The following PDE4B variants were observed in gnomAD, a reference collection of about 807,000 sequenced individuals.
PDE4B encodes the protein phosphodiesterase 4B, also known as 3',5'-cyclic-AMP phosphodiesterase 4B.
Under a neutral mutation model 82.2 loss-of-function variants are expected in PDE4B, and 20 were observed. The ratio of observed to expected loss-of-function variants is 0.24; its 90% confidence interval spans 0.17 to 0.35. The LOEUF (loss-of-function observed/expected upper bound fraction) is 0.35. Among genes scored for constraint, PDE4B ranks in the 10% least tolerant of loss-of-function variants. The pLI is 1.00. For synonymous variants in PDE4B, 320 were observed against 318.9 expected (o/e 1.00, Z -0.04); for missense variants, 655 against 907.2 (o/e 0.72, Z 3.57).
intron 3 of PDE4B, among the ~76,000 whole-genome samples, chr1:65,976,355 C>G (rs1280291097): frequency 6.6e-6 from 1 of 152,178 alleles, no homozygotes; most frequent in Admixed American, 6.5e-5. Flanking sequence ...TTCCTGTACC[C>G]TCATTTTATT....
intron 8 of PDE4B, among the ~76,000 whole-genome samples, chr1:66,350,049 C>G (rs542693191): frequency 6.6e-6 from 1 of 152,114 alleles, no homozygotes; most frequent in Admixed American, 6.5e-5. Context: ...TCTCACTAAA[C>G]TGTACCACTG....
chr1:66,325,093 T>G (rs1659651737), intron 7 of PDE4B, among the ~76,000 whole-genome samples: 1 of 152,186 alleles, frequency 6.6e-6, no homozygotes, highest in Admixed American at 6.6e-5. Flanking sequence ...CTATTTTACA[T>G]TTTATCAAGT....
intron 1 of PDE4B, among the ~76,000 whole-genome samples, chr1:65,864,799 C>T (rs1205229545): frequency 2.0e-5 from 3 of 152,282 alleles, no homozygotes; most frequent in East Asian, 1.9e-4. Context: ...AAGTGTCTGT[C>T]GACCCCTGTT....
At chr1:65,938,058 T>C (rs1036020820) in intron 3 of PDE4B, among the ~76,000 whole-genome samples, 4 of 152,178 alleles carry the variant, frequency 2.6e-5, no homozygotes, top group Admixed American at 6.5e-5. Flanking sequence ...AATAGTTTTA[T>C]AATAAAAAAG....
intron 1 of PDE4B, among the ~76,000 whole-genome samples, chr1:65,856,805 C>G (rs963154934): frequency 3.3e-5 from 5 of 152,124 alleles, no homozygotes; most frequent in Non-Finnish European, 7.4e-5. Flanking sequence ...AACAGTCAAT[C>G]AAAAGCATTG....
chr1:65,969,448 A>C (rs1185385148), intron 3 of PDE4B, among the ~76,000 whole-genome samples: 1 of 152,188 alleles, frequency 6.6e-6, no homozygotes, highest in Non-Finnish European at 1.5e-5. Context: ...AATAATGCTA[A>C]TTACTACCAA....
intron 3 of PDE4B, among the ~76,000 whole-genome samples, chr1:66,146,173 CTTTTTTTTTT>C (rs36027532): frequency 1.0e-4 from 5 of 49,240 alleles, no homozygotes; most frequent in East Asian, 5.7e-4. Context: ...GGGTAGCATG[CTTTTTTTTTT>C]TTTTTTTTTT....
intron 3 of PDE4B, among the ~76,000 whole-genome samples, chr1:65,920,990 A>G (rs1269414018): frequency 2.3e-5 from 2 of 87,838 alleles, no homozygotes; most frequent in East Asian, 3.4e-4. Context: ...TTTTTTTGAG[A>G]CGGAGTCTCG....
intron 1 of PDE4B, among the ~76,000 whole-genome samples, chr1:65,873,290 T>G (rs2100307266): frequency 6.6e-6 from 1 of 152,216 alleles, no homozygotes; most frequent in African/African-American, 2.4e-5. Flanking sequence ...AAGATAGAAC[T>G]CGGGAAGTAA....
intron 1 of PDE4B, among the ~76,000 whole-genome samples, chr1:65,832,178 T>C (rs1206745522): frequency 2.6e-5 from 4 of 152,182 alleles, no homozygotes; most frequent in Admixed American, 2.0e-4. Flanking sequence ...CAAATTTTTA[T>C]GAAGATTCTG....
intron 3 of PDE4B, among the ~76,000 whole-genome samples, chr1:66,188,298 G>T (rs1296012667): frequency 6.6e-6 from 1 of 151,310 alleles, no homozygotes; most frequent in South Asian, 2.1e-4. Flanking sequence ...GTGCTGAAAA[G>T]AATGTATATT....
intron 7 of PDE4B, among the ~76,000 whole-genome samples, chr1:66,275,281 A>G (rs1655797989): frequency 6.6e-6 from 1 of 152,204 alleles, no homozygotes; most frequent in Admixed American, 6.5e-5. Flanking sequence ...TACATGTTTC[A>G]GGGTTGGTAC....
chr1:65,796,752 C>T (rs1017475825), intron 1 of PDE4B, among the ~76,000 whole-genome samples: 1 of 149,198 alleles, frequency 6.7e-6, no homozygotes, highest in East Asian at 2.0e-4. Context: ...TGAGTTCAAG[C>T]GATTCTCCTG....
At chr1:66,042,266 C>T (rs1298101163) in intron 3 of PDE4B, among the ~76,000 whole-genome samples, 1 of 151,664 alleles carries the variant, frequency 6.6e-6, no homozygotes, top group African/African-American at 2.4e-5. Flanking sequence ...AGCATGTTTT[C>T]CTCATGTGTT....
chr1:66,368,693 G>C (rs765419503), intron 15 of PDE4B, 94 bp from the exon 16 acceptor site: 73 of 947,056 alleles, frequency 7.7e-5, no homozygotes, highest in Non-Finnish European at 1.0e-4. Context: ...ATGTTCTCGG[G>C]TTTAGTACCA....
At chr1:65,831,901 G>A (rs1489901091) in intron 1 of PDE4B, among the ~76,000 whole-genome samples, 1 of 152,096 alleles carries the variant, frequency 6.6e-6, no homozygotes. Context: ...CATTTATTCA[G>A]TATTTACTGT....
intron 1 of PDE4B, among the ~76,000 whole-genome samples, chr1:65,811,850 T>C (rs1364652206): frequency 6.6e-6 from 1 of 152,144 alleles, no homozygotes; most frequent in Non-Finnish European, 1.5e-5. Context: ...AAATTTCTTG[T>C]CTGCCTAAGA....
At chr1:66,234,255 C>T (rs1028435728) in intron 3 of PDE4B, among the ~76,000 whole-genome samples, 2 of 152,142 alleles carry the variant, frequency 1.3e-5, no homozygotes, top group Non-Finnish European at 2.9e-5. Context: ...AGGAATTCGT[C>T]CACTTCATTG....
chr1:66,284,697 A>G (rs1277225049), intron 7 of PDE4B, among the ~76,000 whole-genome samples: 1 of 152,158 alleles, frequency 6.6e-6, no homozygotes, highest in East Asian at 1.9e-4. Flanking sequence ...ATGAAAAAGT[A>G]TAGGTTTAAT....
Sources: gnomAD v4.1 joint callset for allele counts (sites outside exome capture counted in the v4.1 genomes callset) on GRCh38, gnomAD v4.1.1 for gene constraint, MANE v1.5 for transcripts, NCBI Gene and HGNC (gene_info 2026-07-23, HGNC 2026-07-21) for gene names.